Variants in NEK4 observed in about 807,000 individuals in gnomAD.
The protein encoded by NEK4 is NIMA related kinase 4.
NEK4 carries 86 observed loss-of-function variants against 98.4 expected under a neutral mutation model. That is an observed-to-expected ratio of 0.87 (90% CI 0.73 to 1.05). The LOEUF is 1.05. NEK4 is among the 50% of genes least tolerant of loss of function. The pLI is 0.00. For synonymous variants in NEK4, 328 were observed against 342.2 expected (o/e 0.96, Z 0.46); for missense variants, 898 against 950.3 (o/e 0.94, Z 0.72).
chr3:52,759,538 ACAC>A (rs1698273456), intron 6 of NEK4, among the ~76,000 whole-genome samples: 1 of 152,240 alleles, frequency 6.6e-6, no homozygotes, highest in Non-Finnish European at 1.5e-5. Context: ...ATACCACTTT[ACAC>A]CCACTAGGAT....
chr3:52,728,237 G>A (rs937176158), intron 15 of NEK4, among the ~76,000 whole-genome samples: 3 of 152,256 alleles, frequency 2.0e-5, no homozygotes, highest in South Asian at 2.1e-4. Flanking sequence ...TTAGCTGCAC[G>A]TGGTGCCCCA....
Position 52,710,114 on chromosome 3 carries a change from G to C in NEK4, c.*1663C>G, listed in dbSNP as rs2097348900. The C allele has an allele frequency of 2.0e-5, 3 of 152,226 alleles. No homozygotes were observed. The highest frequency in any genetic ancestry group is 6.5e-5 in the Admixed American group (1 of 15,270). 9.4% of individuals were successfully genotyped at this position (152,226 alleles called of 1,614,324 possible). A position where few individuals can be genotyped will look rare whatever the true frequency, so the allele number is the denominator to read the frequency against. On this transcript the variant is annotated 3_prime_UTR_variant, in exon 16 of 16. Transcript: ENST00000233027. Reference sequence around the variant, plus strand: ...GCGGTGGCTCACGCCTGTAATCCCAGCACTTTGGGAGGCCGAGGCGGGCAG... The same window carrying C: ...GCGGTGGCTCACGCCTGTAATCCCACCACTTTGGGAGGCCGAGGCGGGCAG...
chr3:52,767,485 G>T (rs1447646558), intron 2 of NEK4, among the ~76,000 whole-genome samples: 2 of 152,016 alleles, frequency 1.3e-5, no homozygotes, highest in Non-Finnish European at 2.9e-5. Flanking sequence ...GCCGAGGCAG[G>T]TGGATCACCT....
At chr3:52,743,487 T>A in intron 11 of NEK4, 26 bp from the exon 12 acceptor site, 1 of 1,567,250 alleles carries the variant, frequency 6.4e-7, no homozygotes, top group Non-Finnish European at 8.8e-7. Context: ...TCCCCAGTAG[T>A]TGTTTGTGGT....
chr3:52,758,206 A>C (rs1481030976), intron 6 of NEK4, among the ~76,000 whole-genome samples: 5 of 149,510 alleles, frequency 3.3e-5, no homozygotes, highest in Admixed American at 6.7e-5. Flanking sequence ...AAAAAAAAGA[A>C]AGAAAGTAGA....
Position 52,752,136 on chromosome 3 carries a change from TG to T in NEK4, c.1163del (p.Pro388GlnfsTer10). On this transcript the variant is annotated frameshift_variant, in exon 7 of 16. Coordinates refer to ENST00000233027, the MANE Select transcript of NEK4 (RefSeq NM_003157.6). LOFTEE classifies it high-confidence loss of function. ...VSDGFVQENQ[P>X]RYLDASNELG... is the part of the protein sequence containing the mutation. ...ACTCATTAGAGGCATCCAAATATCT[TG>T]GCTGATTCTCCTGAACAAAGCCATC... 6.2e-7 allele frequency: 1 copy of T among 1,614,210 alleles called. No individual in the cohort carries two copies. The highest frequency in any genetic ancestry group is 8.5e-7 in the Non-Finnish European group (1 of 1,180,038).
At chr3:52,722,472 T>A (rs1050463379) in intron 15 of NEK4, among the ~76,000 whole-genome samples, 2 of 151,644 alleles carry the variant, frequency 1.3e-5, no homozygotes, top group Admixed American at 1.3e-4. Context: ...AATTATCACA[T>A]GATAAAAACT....
At chr3:52,746,577 T>A (rs2097396484) in intron 9 of NEK4, among the ~76,000 whole-genome samples, 157 bp downstream of exon 9, 1 of 152,260 alleles carries the variant, frequency 6.6e-6, no homozygotes, top group Non-Finnish European at 1.5e-5. Context: ...TCGAACTCAC[T>A]GATATTTGAA....
At chr3:52,748,152 A>G (rs1408331143) in intron 8 of NEK4, among the ~76,000 whole-genome samples, 8 of 148,552 alleles carry the variant, frequency 5.4e-5, no homozygotes, top group Non-Finnish European at 1.2e-4. Flanking sequence ...TATTTTTAGT[A>G]GAGACGGCGT....
intron 10 of NEK4, among the ~76,000 whole-genome samples, chr3:52,744,597 T>C (rs184543831): frequency 5.8e-4 from 88 of 151,324 alleles, no homozygotes; most frequent in Non-Finnish European, 1.1e-3. Context: ...GGCAGGAGAA[T>C]TGCTTGAACC....
chr3:52,748,650 T>C (rs1295744604), intron 8 of NEK4, among the ~76,000 whole-genome samples: 1 of 152,342 alleles, frequency 6.6e-6, no homozygotes, highest in Non-Finnish European at 1.5e-5. Flanking sequence ...TGCAGTCTTA[T>C]GTGAGAAACT....
chr3:52,752,931 TATAC>T (rs1336109993), intron 6 of NEK4, among the ~76,000 whole-genome samples: 2 of 56,146 alleles, frequency 3.6e-5, no homozygotes, highest in African/African-American at 1.3e-4. Context: ...TATATATATA[TATAC>T]ACACACACAC....
chr3:52,769,037 T>C (rs771221240), intron 1 of NEK4, among the ~76,000 whole-genome samples: 9 of 152,144 alleles, frequency 5.9e-5, no homozygotes, highest in Non-Finnish European at 8.8e-5. Flanking sequence ...CTGGTCAACA[T>C]GGTGAAACCT....
chr3:52,768,434 T>C lies in NEK4; in HGVS notation c.264A>G (p.Gly88=). ...CCTTGAGCTTTCGGTACAAATCACC[T>C]CCTTCACAGAAGCCCATGACAATGT... The part of the protein sequence containing the change: ...LLYIVMGFCE[G]GDLYRKLKEQ... The change falls in exon 2 of 16, where the codon GGA becomes GGG. Residue 88 remains glycine (G), a synonymous_variant. Coordinates refer to ENST00000233027, the MANE Select transcript of NEK4 (RefSeq NM_003157.6). The C allele has an allele frequency of 6.2e-7, 1 of 1,614,142 alleles. No homozygotes were observed. Among genetic ancestry groups the C allele is most frequent in the Non-Finnish European group, 8.5e-7 (1 of 1,180,016 alleles).
At position 52,709,528 on chromosome 3, in the gene NEK4, C is replaced by T. The variant is rs934307410; in HGVS notation, c.*2249G>A. On this transcript the variant is annotated 3_prime_UTR_variant, in exon 16 of 16. Transcript: ENST00000233027. ...AGACCAGCCTGGGCAACACAGACTT[C>T]CTCTCCACAAAAAATTTTAAAAATT... is the stretch of plus-strand genomic sequence containing the variant. 6.6e-6 allele frequency: 1 copy of T among 151,490 alleles called. No individual in the cohort carries two copies. The highest frequency in any genetic ancestry group is 1.5e-5 in the Non-Finnish European group (1 of 67,912). The allele number at this position is 151,490 out of a possible 1,614,324, so 9.4% of individuals were successfully genotyped here.
intron 15 of NEK4, among the ~76,000 whole-genome samples, chr3:52,714,137 G>A (rs2097352905): frequency 6.6e-6 from 1 of 152,228 alleles, no homozygotes; most frequent in Admixed American, 6.5e-5. Flanking sequence ...TTGGGAGGCT[G>A]AGGTGGGAGA....
intron 15 of NEK4, among the ~76,000 whole-genome samples, chr3:52,714,688 C>T (rs998338979): frequency 2.0e-5 from 3 of 152,180 alleles, no homozygotes; most frequent in Non-Finnish European, 4.4e-5. Flanking sequence ...CGTGGTCGGG[C>T]GCAAAGGGGC....
rs758697945 is a variant in NEK4, at chr3:52,737,713, A to G, written c.2306T>C (p.Met769Thr). The change falls in exon 15 of 16, where the codon ATG (methionine) becomes ACG (threonine). Residue 769 changes from methionine to threonine, a missense_variant. Met to Thr is a moderately conservative substitution (Grantham distance 81, BLOSUM62 -1). Coordinates refer to ENST00000233027, the MANE Select transcript of NEK4 (RefSeq NM_003157.6). ...IHFKELPSAI[M>T]PGSEKIRRLV... ...TCTCCTGATCTTTTCAGAACCTGGC[A>G]TAATAGCTAAAAGGCAACAACAAAG... 4 of 1,608,436 alleles carry G rather than the reference A, an allele frequency of 2.5e-6. No homozygotes were observed. Among genetic ancestry groups the G allele is most frequent in the Non-Finnish European group, 3.4e-6 (4 of 1,176,990 alleles).
intron 15 of NEK4, among the ~76,000 whole-genome samples, chr3:52,719,688 C>G (rs956496924): frequency 1.3e-5 from 2 of 150,034 alleles, no homozygotes; most frequent in Non-Finnish European, 3.0e-5. Flanking sequence ...GGTATAATGA[C>G]AGTGTCATAT....
Sources: gnomAD v4.1 joint callset for allele counts (sites outside exome capture counted in the v4.1 genomes callset) on GRCh38, gnomAD v4.1.1 for gene constraint, MANE v1.5 for transcripts, NCBI Gene and HGNC (gene_info 2026-07-23, HGNC 2026-07-21) for gene names.